FANCD2: variants seen among roughly 807,000 people sequenced by gnomAD.
FANCD2 encodes the protein Fanconi anemia group D2 protein.
In FANCD2, 131 loss-of-function variants were observed where a neutral mutation model predicts 192.3. That is an observed-to-expected ratio of 0.68 (90% CI 0.59 to 0.79). The LOEUF (loss-of-function observed/expected upper bound fraction) is 0.79, where lower values mean the gene tolerates loss of function less well. FANCD2 is among the 30% of genes least tolerant of loss of function. The pLI is 0.00. For synonymous variants in FANCD2, 524 were observed against 612.5 expected (o/e 0.86, Z 2.13); for missense variants, 1,508 against 1,701.6 (o/e 0.89, Z 2.00).
At chr3:10,063,970 T>C in intron 21 of FANCD2, 59 bp downstream of exon 21, 1 of 1,613,018 alleles carries the variant, frequency 6.2e-7, no homozygotes, top group Non-Finnish European at 8.5e-7. Flanking sequence ...TACTACACTC[T>C]TCAAGTCTTT....
At chr3:10,098,629 C>T in intron 42 of FANCD2, 91 bp from the exon 43 acceptor site, 1 of 1,490,660 alleles carries the variant, frequency 6.7e-7, no homozygotes, top group Non-Finnish European at 9.1e-7. Flanking sequence ...AAAATATCTT[C>T]CTTTGTATTG....
rs1436199001 is a variant in FANCD2 at position 10,085,807 on chromosome 3, C to T, written c.3225-5C>T. 1 of 1,601,596 alleles carries T rather than the reference C, an allele frequency of 6.2e-7. No individual in the cohort carries two copies. The highest frequency in any genetic ancestry group is 1.3e-5 in the African/African-American group (1 of 74,648). ...AGCTAACCCCTCTTACCTTGACTTC[C>T]TTAGGAGTGGATTTTCTCAACCTGA... On this transcript the variant is annotated splice_polypyrimidine_tract_variant and splice_region_variant and intron_variant, in intron 32 of 43. Transcript: ENST00000675286.
In FANCD2 at chr3:10,049,479, A is replaced by G. The variant is rs376708399; in HGVS notation, c.1519A>G (p.Met507Val). ...LELVVLNPSA[M>V]MMNAVFVKGI... ...GTTGGTAGTGTTAAACCCATCTGCT[A>G]TGATGATGAATGCTGTCTTTGTAAA... The change falls in exon 17 of 44, where the codon ATG (methionine) becomes GTG (valine). Residue 507 changes from methionine to valine, a missense_variant. Coordinates refer to ENST00000675286, the MANE Select transcript of FANCD2 (RefSeq NM_001018115.3). 8.7e-6 allele frequency: 14 copies of G among 1,600,842 alleles called. No individual in the cohort carries two copies. The South Asian group carries it at 1.0e-4, about 11-fold the overall frequency.
intron 1 of FANCD2, among the ~76,000 whole-genome samples, chr3:10,028,404 A>G (rs55895921): frequency 6.6e-6 from 1 of 152,228 alleles, no homozygotes; most frequent in East Asian, 1.9e-4. Flanking sequence ...CTTCAGCAAC[A>G]GCGAAGTAGT....
At chr3:10,093,570 G>T (rs556032259) in intron 39 of FANCD2, among the ~76,000 whole-genome samples, 1 of 152,342 alleles carries the variant, frequency 6.6e-6, no homozygotes, top group African/African-American at 2.4e-5. Flanking sequence ...CTTCAGGGCA[G>T]TTGAGTTTAG....
Position 10,046,512 on chromosome 3 carries a change from T to C in FANCD2, c.1135-68T>C, listed in dbSNP as rs2087015422. The C allele has an allele frequency of 6.3e-6, 10 of 1,598,630 alleles. No homozygotes were observed. In the South Asian group the frequency reaches 1.1e-4, roughly 18 times the overall value. On this transcript the variant is annotated intron_variant, in intron 14 of 43. Transcript: ENST00000675286. ...GTGTTTTAATTAGAGGAAAAGCTGC[T>C]GTTTCATTGTAGCAAATGTACTGAT...
At position 10,101,575 on chromosome 3, in the gene FANCD2, G is replaced by A. The variant is rs1333040364; in HGVS notation, c.*313G>A. 11 of 398,462 alleles carry A rather than the reference G, an allele frequency of 2.8e-5. No homozygotes were observed. The highest frequency in any genetic ancestry group is 6.0e-5 in the African/African-American group (3 of 49,688). 24.7% of individuals were successfully genotyped at this position (398,462 alleles called of 1,614,324 possible). On this transcript the variant is annotated 3_prime_UTR_variant, in exon 44 of 44. Coordinates refer to ENST00000675286, the MANE Select transcript of FANCD2 (RefSeq NM_001018115.3). ...TAATTTTTGTATTTTTAGTAGATACGGGGTTTTACCATGTCGGCCAGATGG... is the reference window on the plus strand; with the variant it reads ...TAATTTTTGTATTTTTAGTAGATACAGGGTTTTACCATGTCGGCCAGATGG...
intron 43 of FANCD2, 86 bp downstream of exon 43, chr3:10,098,901 C>T (rs1234548681): frequency 6.2e-7 from 1 of 1,614,040 alleles, no homozygotes; most frequent in Admixed American, 1.7e-5. Flanking sequence ...ACTTTGCCTA[C>T]TTATGTTTAT....
At position 10,027,904 on chromosome 3, in the gene FANCD2, C is replaced by CAA. The variant is rs145483323; in HGVS notation, c.-33-702_-33-701dup. Among the ~76,000 whole-genome samples, 28 of 66,504 alleles carry CAA rather than the reference C, an allele frequency of 4.2e-4. 1 individual carries two copies. The East Asian group carries it at 6.2e-3, about 15-fold the overall frequency. 43.6% of individuals were successfully genotyped at this position (66,504 alleles called of 152,430 possible). Reference sequence around the variant, plus strand: ...TGGGTGACAGAGTGAGACTCCGTCTCAAAAAAAAAAAAAAAAAAAATCACT... The same window carrying CAA: ...TGGGTGACAGAGTGAGACTCCGTCTCAAAAAAAAAAAAAAAAAAAAAATCACT... On this transcript the variant is annotated intron_variant, in intron 1 of 43. Coordinates refer to ENST00000675286, the MANE Select transcript of FANCD2 (RefSeq NM_001018115.3).
In FANCD2 at chr3:10,081,429, G is replaced by C; in HGVS notation, c.3189G>C (p.Gln1063His). Residue 1063 changes from glutamine to histidine, a missense_variant, in exon 32 of 44, where the codon CAG (glutamine) becomes CAC (histidine). Gln to His is a conservative substitution (Grantham distance 24, BLOSUM62 0). Coordinates refer to ENST00000675286, the MANE Select transcript of FANCD2 (RefSeq NM_001018115.3). The stretch of plus-strand genomic sequence containing the variant: ...ACCACATAATGTCTTCCTGCTATCA[G>C]AGGCTGCTGCAGATTTTTCATGGGC... ...QEYHIMSSCY[Q>H]RLLQIFHGLF... 1.2e-6 allele frequency: 2 copies of C among 1,614,104 alleles called. No homozygotes were observed. The highest frequency in any genetic ancestry group is 1.7e-6 in the Non-Finnish European group (2 of 1,179,972).
intron 7 of FANCD2, 62 bp downstream of exon 7, chr3:10,036,401 G>C: frequency 1.6e-6 from 2 of 1,254,516 alleles, no homozygotes; most frequent in Non-Finnish European, 2.3e-6. Context: ...TCTCTGAAAA[G>C]GTTACTCTGA....
At chr3:10,060,731 CA>C (rs1297391355) in intron 19 of FANCD2, among the ~76,000 whole-genome samples, 1 of 152,194 alleles carries the variant, frequency 6.6e-6, no homozygotes, top group Non-Finnish European at 1.5e-5. Context: ...AGGCACTAGA[CA>C]ATGCAGGTGT....
intron 2 of FANCD2, among the ~76,000 whole-genome samples, chr3:10,030,844 G>A (rs1381511585): frequency 3.9e-5 from 6 of 152,064 alleles, no homozygotes; most frequent in African/African-American, 1.4e-4. Context: ...AGGTTGCAGT[G>A]AGCTGAGATC....
At position 10,062,050 on chromosome 3, in the gene FANCD2, C is replaced by G. The variant is rs2087584579; in HGVS notation, c.1767-101C>G. ...CGAGTTAATGGGTGCAGCACACCAA[C>G]ATGGCACATGTATACATATGTAACA... is the stretch of plus-strand genomic sequence containing the variant. On this transcript the variant is annotated intron_variant, in intron 19 of 43. Transcript: ENST00000675286. 3.8e-6 allele frequency: 3 copies of G among 785,274 alleles called. No individual in the cohort carries two copies. In the East Asian group the frequency reaches 9.5e-5, roughly 25 times the overall value. 48.6% of individuals were successfully genotyped at this position (785,274 alleles called of 1,614,324 possible).
intron 1 of FANCD2, among the ~76,000 whole-genome samples, chr3:10,027,173 T>C (rs1247744185): frequency 1.3e-5 from 2 of 152,212 alleles, no homozygotes; most frequent in Non-Finnish European, 2.9e-5. Context: ...CCGGTAACTA[T>C]GCTGGGCATT....
chr3:10,087,527 CAA>C (rs112934348), intron 34 of FANCD2, among the ~76,000 whole-genome samples: 1 of 139,964 alleles, frequency 7.1e-6, no homozygotes, highest in Admixed American at 7.2e-5. Flanking sequence ...TCTTCCTTTT[CAA>C]AAAAAAAAAA....
rs35149829 is a variant in FANCD2, at chr3:10,062,502, A to T, written c.1827+291A>T. ...AGTGATCCACCTGCCTCGGCCTCCC[A>T]AAGTGCTGGGAGTACAGGCGTGAGC... On this transcript the variant is annotated intron_variant, in intron 20 of 43. Coordinates refer to ENST00000675286, the MANE Select transcript of FANCD2 (RefSeq NM_001018115.3). 0.19 allele frequency among the ~76,000 whole-genome samples: 29,434 copies of T among 152,034 alleles called. 3,266 individuals are homozygous for T. Among genetic ancestry groups the T allele is most frequent in the African/African-American group, 0.31 (12,741 of 41,452 alleles).
intron 18 of FANCD2, 60 bp from the exon 19 acceptor site, chr3:10,060,234 C>A: frequency 8.5e-7 from 1 of 1,178,350 alleles, no homozygotes; most frequent in Non-Finnish European, 1.3e-6. Flanking sequence ...GCTCGATATC[C>A]ATACCTTCTT....
chr3:10,033,708 T>TTC (rs35784207), intron 3 of FANCD2, among the ~76,000 whole-genome samples: 3 of 138,012 alleles, frequency 2.2e-5, no homozygotes, highest in Admixed American at 7.2e-5. Context: ...CTTTTTTTTT[T>TTC]TTTTTTTTTT....
Sources: allele counts gnomAD v4.1 joint callset (sites outside exome capture counted in the v4.1 genomes callset), GRCh38; gene constraint gnomAD v4.1.1; transcripts MANE v1.5; gene names NCBI Gene and HGNC (gene_info 2026-07-23, HGNC 2026-07-21).